Variants in ASCC3 observed in about 807,000 individuals in gnomAD.
ASCC3 encodes ASC-1 complex subunit P200.
Under a neutral mutation model 256.3 loss-of-function variants are expected in ASCC3, and 158 were observed. The ratio of observed to expected loss-of-function variants is 0.62; its 90% CI spans 0.54 to 0.70. The LOEUF (loss-of-function observed/expected upper bound fraction) is 0.70, where lower values mean the gene tolerates loss of function less well. Among genes scored for constraint, ASCC3 ranks in the 30% least tolerant of loss-of-function variants. The pLI is 0.00. For synonymous variants in ASCC3, 948 were observed against 883.4 expected, an observed-to-expected ratio of 1.07 and a Z score of -1.30; for missense variants, 2,259 against 2,626.0, an observed-to-expected ratio of 0.86 and a Z score of 3.05.
At chr6:100,603,599 T>G (rs749939372) in intron 33 of ASCC3, among the ~76,000 whole-genome samples, 31 of 152,108 alleles carry the variant, frequency 2.0e-4, no homozygotes, top group Non-Finnish European at 3.2e-4. Flanking sequence ...GTAGATATTC[T>G]TTATCAGATT....
At chr6:100,608,901 C>A (rs1773241988) in intron 30 of ASCC3, among the ~76,000 whole-genome samples, 1 of 146,000 alleles carries the variant, frequency 6.8e-6, no homozygotes, top group East Asian at 2.0e-4. Context: ...GTAGCTGGGA[C>A]TACAGGTGCC....
chr6:100,725,643 C>A lies in ASCC3; in HGVS notation c.1798G>T (p.Ala600Ser). 6.2e-7 allele frequency: 1 copy of A among 1,612,734 alleles called. No homozygotes were observed. ...VVTRKSVGDV[A>S]LSQIVRLLIL... ...AGGAGCCTTACAATCTGGGAAAGAG[C>A]TACATCCCCAACACTCTTTCTTGTC... The change falls in exon 11 of 42, where the codon GCT becomes TCT. Residue 600 changes from alanine (A) to serine (S), a missense_variant. Physicochemically the swap from Ala to Ser is moderately conservative, Grantham distance 99. This residue lies in a region of ASCC3 where 1,839 missense variants were observed against 2,206.7 expected (regional missense o/e 0.83). Transcript: ENST00000369162.
At chr6:100,626,465 G>A (rs916260578) in intron 29 of ASCC3, among the ~76,000 whole-genome samples, 2 of 151,906 alleles carry the variant, frequency 1.3e-5, no homozygotes, top group Non-Finnish European at 2.9e-5. Context: ...ATCACTACAG[G>A]TATAATAAAT....
intron 36 of ASCC3, among the ~76,000 whole-genome samples, chr6:100,572,127 T>C (rs755451024): frequency 3.3e-5 from 5 of 152,120 alleles, no homozygotes; most frequent in Non-Finnish European, 7.4e-5. Flanking sequence ...CCCATTAATA[T>C]GTTAAACCTG....
At chr6:100,780,054 C>A (rs751284652) in intron 8 of ASCC3, among the ~76,000 whole-genome samples, 4 of 152,104 alleles carry the variant, frequency 2.6e-5, no homozygotes, top group Non-Finnish European at 4.4e-5. Flanking sequence ...TATTAAAAGT[C>A]ATATAATATA....
At chr6:100,736,693 A>C (rs1044664371) in intron 10 of ASCC3, among the ~76,000 whole-genome samples, 4 of 152,176 alleles carry the variant, frequency 2.6e-5, no homozygotes, top group Non-Finnish European at 5.9e-5. Flanking sequence ...CCCTTGGCCT[A>C]ATGAGATGAT....
chr6:100,748,891 C>T (rs10457077), intron 10 of ASCC3, among the ~76,000 whole-genome samples: 73,157 of 151,542 alleles, frequency 0.48, 17,676 homozygotes, highest in South Asian at 0.68. Context: ...GTGCATTGTA[C>T]ACATGCCTAT....
chr6:100,516,230 C>T lies in ASCC3; in HGVS notation c.6025G>A (p.Val2009Ile). The T allele has an allele frequency of 8.1e-6, 13 of 1,613,654 alleles. No individual in the cohort carries two copies. The highest frequency in any genetic ancestry group is 1.1e-5 in the Non-Finnish European group (13 of 1,179,702). The change falls in exon 39 of 42, where the codon GTA (valine) becomes ATA (isoleucine). Residue 2009 changes from valine to isoleucine, a missense_variant. Coordinates refer to ENST00000369162, the MANE Select transcript of ASCC3 (RefSeq NM_006828.4). Reference protein sequence around the residue: ...LIHACGGKDHVFSSMVESELH... With the variant: ...LIHACGGKDHIFSSMVESELH... Reference sequence around the variant, plus strand: ...TCACTTTCTACCATGGAGCTAAATACATGGTCTTTCCCTCCACAGGCATGG... The same window carrying T: ...TCACTTTCTACCATGGAGCTAAATATATGGTCTTTCCCTCCACAGGCATGG...
intron 8 of ASCC3, among the ~76,000 whole-genome samples, chr6:100,778,979 A>C (rs1299721947): frequency 6.6e-6 from 1 of 152,142 alleles, no homozygotes; most frequent in Non-Finnish European, 1.5e-5. Flanking sequence ...ACATTTTACC[A>C]CATTAACATA....
chr6:100,746,630 C>T (rs1780694602), intron 10 of ASCC3, among the ~76,000 whole-genome samples: 1 of 151,916 alleles, frequency 6.6e-6, no homozygotes, highest in Non-Finnish European at 1.5e-5. Context: ...ACATTCTTTG[C>T]TGTTATCATT....
chr6:100,731,370 T>TA (rs1353991811), intron 10 of ASCC3, among the ~76,000 whole-genome samples: 4 of 152,044 alleles, frequency 2.6e-5, no homozygotes, highest in Non-Finnish European at 5.9e-5. Flanking sequence ...CATAAGCTTG[T>TA]AAAAAAAGGG....
chr6:100,794,459 C>A (rs78613529), intron 8 of ASCC3, among the ~76,000 whole-genome samples: 1 of 152,170 alleles, frequency 6.6e-6, no homozygotes, highest in African/African-American at 2.4e-5. Context: ...CTTTCATATC[C>A]TTCATGAAAG....
rs545458618 is a variant in ASCC3, at chr6:100,513,425, C to T, written c.6076-507G>A. 6.6e-5 allele frequency among the ~76,000 whole-genome samples: 10 copies of T among 152,282 alleles called. No homozygotes were observed. The East Asian group carries it at 1.9e-3, about 29-fold the overall frequency. On this transcript the variant is annotated intron_variant, in intron 39 of 41. Transcript: ENST00000369162. ...AGAGAAGCATCTATTCAGACATTCA[C>T]ATGGCTTCTAAGAAGGAGAGCATTA...
chr6:100,836,050 GT>G (rs2114472407), intron 4 of ASCC3, among the ~76,000 whole-genome samples: 1 of 152,182 alleles, frequency 6.6e-6, no homozygotes, highest in African/African-American at 2.4e-5. Context: ...TTTTCAGATA[GT>G]TTGCTTTTAA....
At chr6:100,623,734 G>A (rs1279141047) in intron 30 of ASCC3, among the ~76,000 whole-genome samples, 1 of 152,106 alleles carries the variant, frequency 6.6e-6, no homozygotes, top group East Asian at 1.9e-4. Flanking sequence ...CTGGAAAAGT[G>A]TAAGAAAGAA....
intron 13 of ASCC3, among the ~76,000 whole-genome samples, chr6:100,688,718 C>G (rs1178829513): frequency 6.6e-6 from 1 of 152,156 alleles, no homozygotes; most frequent in Non-Finnish European, 1.5e-5. Context: ...AATTACGTGA[C>G]AGGCACTGCG....
intron 11 of ASCC3, among the ~76,000 whole-genome samples, chr6:100,722,846 C>T (rs971660704): frequency 6.6e-6 from 1 of 151,744 alleles, no homozygotes; most frequent in Non-Finnish European, 1.5e-5. Context: ...AGTTCATTCT[C>T]ACTTTTTTTA....
intron 13 of ASCC3, 86 bp from the exon 14 acceptor site, chr6:100,679,838 A>T: frequency 7.1e-7 from 1 of 1,415,852 alleles, no homozygotes; most frequent in Non-Finnish European, 9.9e-7. Context: ...CCATATAAAC[A>T]ACTATTAATT....
intron 36 of ASCC3, among the ~76,000 whole-genome samples, chr6:100,567,772 C>A (rs993484395): frequency 1.8e-4 from 28 of 151,960 alleles, no homozygotes; most frequent in Non-Finnish European, 3.4e-4. Context: ...TGTATATGTA[C>A]CACATTTTTT....
Sources: gnomAD v4.1 joint callset for allele counts (sites outside exome capture counted in the v4.1 genomes callset) on GRCh38, gnomAD v4.1.1 for gene constraint, gnomAD v4.1.1 regional missense constraint, MANE v1.5 for transcripts, NCBI Gene and HGNC (gene_info 2026-07-23, HGNC 2026-07-21) for gene names.